GALNT13: variants seen among roughly 807,000 people sequenced by gnomAD.
GALNT13 encodes the protein polypeptide N-acetylgalactosaminyltransferase 13.
Under a neutral mutation model 64.2 loss-of-function variants are expected in GALNT13, and 28 were observed. The ratio of observed to expected loss-of-function variants is 0.44; its 90% CI spans 0.32 to 0.60. The LOEUF (loss-of-function observed/expected upper bound fraction) is 0.60, where lower values mean the gene tolerates loss of function less well. Among genes scored for constraint, GALNT13 ranks in the 20% least tolerant of loss-of-function variants. The probability of loss-of-function intolerance (pLI) is 0.05; values close to 1 mark genes in which losing one functional copy is unlikely to be tolerated. For missense variants in GALNT13, 577 were observed against 669.8 expected (o/e 0.86, Z 1.53); for synonymous variants, 214 against 224.6 (o/e 0.95, Z 0.42).
At chr2:153,157,579 A>G in the GALNT13 span, among the ~76,000 whole-genome samples, 2 of 152,178 alleles carry the variant, frequency 1.3e-5, no homozygotes, top group African/African-American at 2.4e-5. Flanking sequence ...ATCTTATAAC[A>G]TAAAGTTTAA....
At chr2:153,715,034 GT>G in the GALNT13 span, among the ~76,000 whole-genome samples, 25 of 151,804 alleles carry the variant, frequency 1.6e-4, no homozygotes, top group Admixed American at 2.0e-4. Flanking sequence ...CACTCTCTCT[GT>G]GTCTGTCATT....
At chr2:153,640,068 G>T in the GALNT13 span, among the ~76,000 whole-genome samples, 1 of 152,062 alleles carries the variant, frequency 6.6e-6, no homozygotes, top group Admixed American at 6.6e-5. Context: ...TTGATTTCTG[G>T]AGGCCTGACT....
intron 3 of GALNT13, among the ~76,000 whole-genome samples, chr2:154,104,785 G>A (rs1702526323): frequency 6.6e-6 from 1 of 152,188 alleles, no homozygotes; most frequent in South Asian, 2.1e-4. Flanking sequence ...GGGAGATTTA[G>A]TGATGCAGTA....
chr2:153,357,386 GT>G, the GALNT13 span: 1 of 152,074 alleles, frequency 6.6e-6, no homozygotes, highest in African/African-American at 2.4e-5. Flanking sequence ...TTGCATTACT[GT>G]TTTATACTGA....
chr2:154,440,139 CTTG>C (rs1480485689), intron 12 of GALNT13, among the ~76,000 whole-genome samples: 1 of 152,040 alleles, frequency 6.6e-6, no homozygotes, highest in African/African-American at 2.4e-5. Context: ...ACTTGTTCTT[CTTG>C]TTGTTACTGT....
the GALNT13 span, among the ~76,000 whole-genome samples, chr2:153,394,348 G>C: frequency 6.6e-6 from 1 of 151,930 alleles, no homozygotes; most frequent in Non-Finnish European, 1.5e-5. Context: ...TTCCTCCTAG[G>C]TTTTACAATT....
At chr2:153,639,921 A>T in the GALNT13 span, among the ~76,000 whole-genome samples, 1 of 152,132 alleles carries the variant, frequency 6.6e-6, no homozygotes. Context: ...GATGACCTGG[A>T]AATTCTCGGC....
the GALNT13 span, among the ~76,000 whole-genome samples, chr2:153,532,536 C>T: frequency 1.3e-5 from 2 of 152,164 alleles, no homozygotes; most frequent in African/African-American, 4.8e-5. Flanking sequence ...TTCCTCTTTA[C>T]TTATGCAAAT....
At chr2:153,274,396 C>T in the GALNT13 span, among the ~76,000 whole-genome samples, 1 of 152,082 alleles carries the variant, frequency 6.6e-6, no homozygotes, top group African/African-American at 2.4e-5. Flanking sequence ...ACAACATTTT[C>T]TAGTAGCCAA....
chr2:153,257,496 G>T, the GALNT13 span, among the ~76,000 whole-genome samples: 1 of 152,022 alleles, frequency 6.6e-6, no homozygotes, highest in Non-Finnish European at 1.5e-5. Context: ...ACTCTTAAAT[G>T]CAGGTTTCTG....
chr2:154,393,938 C>T (rs1021409205), intron 9 of GALNT13, among the ~76,000 whole-genome samples: 9 of 149,814 alleles, frequency 6.0e-5, no homozygotes, highest in Admixed American at 2.0e-4. Context: ...ATTAGCCGGG[C>T]GTAGTGGCGG....
the GALNT13 span, among the ~76,000 whole-genome samples, chr2:153,083,803 T>C: frequency 1.3e-5 from 2 of 152,250 alleles, no homozygotes. Context: ...GCTCATGAAA[T>C]CTTTGCCTAA....
chr2:154,234,879 C>A (rs1047669489), intron 4 of GALNT13, among the ~76,000 whole-genome samples: 1 of 151,870 alleles, frequency 6.6e-6, no homozygotes, highest in African/African-American at 2.4e-5. Flanking sequence ...AAAGAATCCC[C>A]TAGTCTATTG....
chr2:153,384,835 C>A, the GALNT13 span, among the ~76,000 whole-genome samples: 8 of 151,654 alleles, frequency 5.3e-5, no homozygotes, highest in African/African-American at 1.5e-4. Context: ...ATTAAATATA[C>A]AATTTAGGCA....
intron 3 of GALNT13, among the ~76,000 whole-genome samples, chr2:154,049,532 T>C (rs995015643): frequency 6.8e-6 from 1 of 148,068 alleles, no homozygotes; most frequent in African/African-American, 2.5e-5. Flanking sequence ...TATATATATA[T>C]GTATCACTAC....
intron 11 of GALNT13, chr2:154,437,725 C>T (rs1367379867): frequency 9.7e-6 from 4 of 411,994 alleles, no homozygotes; most frequent in South Asian, 3.5e-5. Flanking sequence ...CATGGTGGCG[C>T]ATGCCTGTAG....
chr2:154,317,155 G>A (rs1011997605), intron 9 of GALNT13, among the ~76,000 whole-genome samples: 2 of 150,302 alleles, frequency 1.3e-5, no homozygotes, highest in African/African-American at 4.9e-5. Context: ...AGAGGTTGCA[G>A]TAAGCTGAGA....
At chr2:153,263,987 A>G in the GALNT13 span, among the ~76,000 whole-genome samples, 2 of 152,236 alleles carry the variant, frequency 1.3e-5, no homozygotes, top group Non-Finnish European at 2.9e-5. Context: ...CAGAAAACAA[A>G]GCTATCATCA....
At chr2:153,497,784 C>T in the GALNT13 span, among the ~76,000 whole-genome samples, 1 of 151,892 alleles carries the variant, frequency 6.6e-6, no homozygotes, top group African/African-American at 2.4e-5. Flanking sequence ...GCGATCCGCC[C>T]GCCTCGGCCT....
Sources: allele counts gnomAD v4.1 joint callset (sites outside exome capture counted in the v4.1 genomes callset), GRCh38; gene constraint gnomAD v4.1.1; transcripts MANE v1.5; gene names NCBI Gene and HGNC (gene_info 2026-07-23, HGNC 2026-07-21).